Variants in EPC1 observed in about 807,000 individuals in gnomAD.
EPC1 encodes enhancer of polycomb 1, also known as enhancer of polycomb homolog 1.
Under a neutral mutation model 98.4 loss-of-function variants are expected in EPC1, and 12 were observed. The observed-to-expected ratio is 0.12, with a 90% CI of 0.08 to 0.20. The LOEUF is 0.20. EPC1 is among the 10% of genes least tolerant of loss of function. EPC1 has a pLI of 1.00. For synonymous variants in EPC1, 357 were observed against 363.9 expected (o/e 0.98, Z 0.21); for missense variants, 729 against 990.5 (o/e 0.74, Z 3.54).
chr10:32,365,336 C>CTAG (rs1454011277), intron 1 of EPC1, among the ~76,000 whole-genome samples: 1 of 152,024 alleles, frequency 6.6e-6, no homozygotes, highest in East Asian at 1.9e-4. Context: ...AAATAACCAT[C>CTAG]TAGTAATAAA....
intron 2 of EPC1, among the ~76,000 whole-genome samples, chr10:32,299,740 T>C (rs1361429820): frequency 6.6e-6 from 1 of 152,158 alleles, no homozygotes; most frequent in Non-Finnish European, 1.5e-5. Context: ...AATGACAATT[T>C]TGATCACCAG....
At chr10:32,280,874 A>G (rs1384735242) in intron 10 of EPC1, among the ~76,000 whole-genome samples, 2 of 152,182 alleles carry the variant, frequency 1.3e-5, no homozygotes, top group South Asian at 2.1e-4. Flanking sequence ...CTCATAAACA[A>G]CTTGGGCATC....
At chr10:32,286,420 T>C in intron 9 of EPC1, 1 of 449,852 alleles carries the variant, frequency 2.2e-6, no homozygotes, top group Non-Finnish European at 4.0e-6. Flanking sequence ...TCTGTTGCCC[T>C]TTCTCACAAT....
At chr10:32,324,786 G>A (rs11597157) in intron 1 of EPC1, among the ~76,000 whole-genome samples, 22,828 of 152,038 alleles carry the variant, frequency 0.15, 2,017 homozygotes, top group South Asian at 0.33. Context: ...GAGGTCAGGA[G>A]ATTGAGACCA....
At chr10:32,272,199 G>A in intron 11 of EPC1, 32 bp from the exon 12 acceptor site, 1 of 1,534,220 alleles carries the variant, frequency 6.5e-7, no homozygotes, top group Non-Finnish European at 8.8e-7. Context: ...AATCTAATCA[G>A]TATCACTTAG....
At chr10:32,376,689 T>A (rs577291057) in intron 1 of EPC1, among the ~76,000 whole-genome samples, 2 of 152,098 alleles carry the variant, frequency 1.3e-5, no homozygotes, top group Non-Finnish European at 2.9e-5. Flanking sequence ...TTTTCACACA[T>A]CCTTTTACTT....
chr10:32,272,323 A>G (rs1422826591), intron 11 of EPC1, 156 bp from the exon 12 acceptor site: 6 of 595,410 alleles, frequency 1.0e-5, no homozygotes, highest in East Asian at 5.8e-5. Flanking sequence ...AACAGTAATT[A>G]TATCTCTTTT....
chr10:32,369,597 C>T (rs903354376), intron 1 of EPC1, among the ~76,000 whole-genome samples: 3 of 152,168 alleles, frequency 2.0e-5, no homozygotes, highest in African/African-American at 7.2e-5. Context: ...GTTCTTTTAA[C>T]AGGTAAGCAT....
intron 1 of EPC1, among the ~76,000 whole-genome samples, chr10:32,330,148 CT>C (rs1465802032): frequency 6.6e-6 from 1 of 152,080 alleles, no homozygotes; most frequent in Non-Finnish European, 1.5e-5. Context: ...ATGAGATTTC[CT>C]TTTTCAAAGG....
chr10:32,373,937 A>G (rs1400175977), intron 1 of EPC1, among the ~76,000 whole-genome samples: 1 of 152,170 alleles, frequency 6.6e-6, no homozygotes, highest in East Asian at 1.9e-4. Context: ...AAAGCAAACT[A>G]AATAATATAA....
At chr10:32,288,239 A>G (rs1836797119) in intron 6 of EPC1, among the ~76,000 whole-genome samples, 1 of 151,944 alleles carries the variant, frequency 6.6e-6, no homozygotes, top group Admixed American at 6.6e-5. Flanking sequence ...AATGCAAAAC[A>G]TTATTTAAAA....
chr10:32,347,975 A>G (rs557527172), upstream of EPC1, among the ~76,000 whole-genome samples: 13 of 152,354 alleles, frequency 8.5e-5, no homozygotes, highest in South Asian at 2.3e-3. Context: ...AAGCAAAGGA[A>G]ATTATTACCC....
intron 9 of EPC1, 59 bp downstream of exon 9, chr10:32,286,635 A>C: frequency 6.3e-7 from 1 of 1,581,044 alleles, no homozygotes; most frequent in Non-Finnish European, 8.6e-7. Context: ...TTTAAAAGTT[A>C]GATTCAATCA....
intron 1 of EPC1, among the ~76,000 whole-genome samples, chr10:32,353,229 A>C (rs541641299): frequency 6.6e-6 from 1 of 152,214 alleles, no homozygotes; most frequent in Non-Finnish European, 1.5e-5. Flanking sequence ...ATTGAAGTGA[A>C]GTGCGAACTA....
intron 2 of EPC1, among the ~76,000 whole-genome samples, chr10:32,299,917 T>C (rs892341527): frequency 6.6e-6 from 1 of 151,064 alleles, no homozygotes; most frequent in Non-Finnish European, 1.5e-5. Flanking sequence ...AAAAATGAGT[T>C]TTTTTTTTTA....
At chr10:32,292,868 A>G in intron 4 of EPC1, 120 bp downstream of exon 4, 1 of 779,882 alleles carries the variant, frequency 1.3e-6, no homozygotes, top group East Asian at 3.0e-5. Context: ...CAATTTAAGT[A>G]TTTTTCTTAT....
At chr10:32,358,092 T>TCGGTG (rs1228280527) in intron 1 of EPC1, among the ~76,000 whole-genome samples, 1 of 152,008 alleles carries the variant, frequency 6.6e-6, no homozygotes, top group East Asian at 1.9e-4. Flanking sequence ...TGACCTCAAG[T>TCGGTG]GATCCACCCG....
intron 1 of EPC1, among the ~76,000 whole-genome samples, chr10:32,314,182 T>C (rs1038588461): frequency 8.5e-5 from 13 of 152,178 alleles, no homozygotes; most frequent in African/African-American, 3.1e-4. Context: ...CTTACAAAAA[T>C]GGAATTGGAA....
intron 2 of EPC1, among the ~76,000 whole-genome samples, chr10:32,301,444 A>G (rs1049665710): frequency 6.6e-6 from 1 of 152,222 alleles, no homozygotes. Flanking sequence ...TCTAAAGTTT[A>G]TATGTAAAGG....
Sources: allele counts gnomAD v4.1 joint callset (sites outside exome capture counted in the v4.1 genomes callset), GRCh38; gene constraint gnomAD v4.1.1; transcripts MANE v1.5; gene names NCBI Gene and HGNC (gene_info 2026-07-23, HGNC 2026-07-21).